The following DEFB125 variants were observed in gnomAD, a reference collection of about 807,000 sequenced individuals.
DEFB125 encodes the protein defensin beta 125.
DEFB125 carries 11 observed loss-of-function variants against 11.8 expected under a neutral mutation model. That is an observed-to-expected ratio of 0.94 (90% CI 0.59 to 1.55). The LOEUF is 1.55. Among genes scored for constraint, DEFB125 ranks in the 40% most tolerant of loss-of-function variants. DEFB125 has a pLI of 0.00. For missense variants in DEFB125, 198 were observed against 191.2 expected, an observed-to-expected ratio of 1.04 and a Z score of -0.21; for synonymous variants, 79 against 66.7, an observed-to-expected ratio of 1.18 and a Z score of -0.90.
Position 96,318 on chromosome 20 carries a change from A to C in DEFB125, c.372A>C (p.Pro124=). The stretch of plus-strand genomic sequence containing the variant: ...ATACTCCTGAGACTACTATGCCACC[A>C]TCTGAGGCCACTACTCCCGAGACTA... ...ETNTPETTMP[P]SEATTPETTM... The change falls in exon 2 of 2, where the codon CCA becomes CCC. Residue 124 remains proline, a synonymous_variant. Transcript: ENST00000382410. 1 of 1,613,532 alleles carries C rather than the reference A, an allele frequency of 6.2e-7. No homozygotes were observed. The highest frequency in any genetic ancestry group is 8.5e-7 in the Non-Finnish European group (1 of 1,179,544).
In DEFB125 at chr20:96,388, C is replaced by T; in HGVS notation, c.442C>T (p.Pro148Ser). Residue 148 changes from proline to serine, a missense_variant, in exon 2 of 2, where the codon CCT (proline) becomes TCT (serine). Coordinates refer to ENST00000382410, the MANE Select transcript of DEFB125 (RefSeq NM_153325.4). ...TGCTACTTCCGAGACTATGCCACCA[C>T]CTTCTCAGACAGCTCTTACTCATAA... is the stretch of plus-strand genomic sequence containing the variant. Reference protein sequence around the residue: ...ETATSETMPPPSQTALTHN With the variant: ...ETATSETMPPSSQTALTHN The T allele has an allele frequency of 1.9e-6, 3 of 1,613,550 alleles. No individual in the cohort carries two copies. The highest frequency in any genetic ancestry group is 2.2e-5 in the East Asian group (1 of 44,870).
At chr20:92,115 A>G (rs1317850294) in intron 1 of DEFB125, among the ~76,000 whole-genome samples, 1 of 152,152 alleles carries the variant, frequency 6.6e-6, no homozygotes, top group African/African-American at 2.4e-5. Flanking sequence ...ATTAAGTTCA[A>G]ATAAGGTTGT....
intron 1 of DEFB125, among the ~76,000 whole-genome samples, chr20:93,735 A>G (rs1040202119): frequency 2.0e-5 from 3 of 152,196 alleles, no homozygotes; most frequent in Non-Finnish European, 4.4e-5. Context: ...AATTGTCAGT[A>G]TCTCCAGTCT....
intron 1 of DEFB125, among the ~76,000 whole-genome samples, chr20:95,314 C>T (rs1179183438): frequency 6.6e-6 from 1 of 151,760 alleles, no homozygotes; most frequent in Non-Finnish European, 1.5e-5. Context: ...CTCTTTTTTT[C>T]TCATATTATT....
At chr20:88,776 T>C (rs962979855) in intron 1 of DEFB125, among the ~76,000 whole-genome samples, 2 of 151,952 alleles carry the variant, frequency 1.3e-5, no homozygotes, top group Non-Finnish European at 2.9e-5. Context: ...CCGCTACTGA[T>C]GAAAAATAGG....
intron 1 of DEFB125, among the ~76,000 whole-genome samples, chr20:91,169 G>T (rs1185247224): frequency 6.6e-6 from 1 of 152,020 alleles, no homozygotes; most frequent in African/African-American, 2.4e-5. Flanking sequence ...GTTTGCTATG[G>T]AGTTTTTTGA....
intron 1 of DEFB125, among the ~76,000 whole-genome samples, chr20:94,817 C>G (rs934295938): frequency 3.9e-5 from 6 of 152,174 alleles, no homozygotes; most frequent in African/African-American, 1.4e-4. Flanking sequence ...TCTATGAACT[C>G]AACTTTTTTA....
chr20:95,411 C>G (rs909600732), intron 1 of DEFB125, among the ~76,000 whole-genome samples: 1 of 152,094 alleles, frequency 6.6e-6, no homozygotes, highest in Non-Finnish European at 1.5e-5. Flanking sequence ...TCGAACCAAC[C>G]TTGCATTCCA....
chr20:89,618 A>G (rs961010269), intron 1 of DEFB125, among the ~76,000 whole-genome samples: 7 of 152,088 alleles, frequency 4.6e-5, no homozygotes, highest in Non-Finnish European at 8.8e-5. Context: ...AAGGATGGCT[A>G]GTATAACCTT....
At chr20:93,688 T>C (rs2054504689) in intron 1 of DEFB125, among the ~76,000 whole-genome samples, 1 of 152,220 alleles carries the variant, frequency 6.6e-6, no homozygotes, top group Admixed American at 6.5e-5. Flanking sequence ...TAACCTTTTA[T>C]GCATTTTCTG....
At chr20:89,862 G>T (rs917525211) in intron 1 of DEFB125, among the ~76,000 whole-genome samples, 1 of 151,850 alleles carries the variant, frequency 6.6e-6, no homozygotes, top group African/African-American at 2.4e-5. Flanking sequence ...TTTTATTTTG[G>T]AGAGGTAGTT....
Position 96,382 on chromosome 20 carries a change from C to T in DEFB125, c.436C>T (p.Pro146Ser). Reference sequence around the variant, plus strand: ...TGAGACTGCTACTTCCGAGACTATGCCACCACCTTCTCAGACAGCTCTTAC... The same window carrying T: ...TGAGACTGCTACTTCCGAGACTATGTCACCACCTTCTCAGACAGCTCTTAC... ...PSETATSETMPPPSQTALTHN is the reference protein window; with the variant it reads ...PSETATSETMSPPSQTALTHN The change falls in exon 2 of 2, where the codon CCA becomes TCA. Residue 146 changes from proline to serine, a missense_variant. Transcript: ENST00000382410. The T allele has an allele frequency of 6.2e-7, 1 of 1,613,694 alleles. No homozygotes were observed. Among genetic ancestry groups the T allele is most frequent in the Non-Finnish European group, 8.5e-7 (1 of 1,179,800 alleles).
chr20:95,441 C>T (rs541794526), intron 1 of DEFB125, among the ~76,000 whole-genome samples: 42 of 152,198 alleles, frequency 2.8e-4, no homozygotes, highest in Non-Finnish European at 6.0e-4. Flanking sequence ...GCTACTTGAT[C>T]GTAGTGGATA....
At chr20:92,778 C>A (rs759611382) in intron 1 of DEFB125, among the ~76,000 whole-genome samples, 1 of 152,050 alleles carries the variant, frequency 6.6e-6, no homozygotes, top group Non-Finnish European at 1.5e-5. Context: ...GGCTCTCCCC[C>A]TCAGTTTATC....
At chr20:95,950 A>G in intron 1 of DEFB125, 55 bp from the exon 2 acceptor site, 1 of 1,485,910 alleles carries the variant, frequency 6.7e-7, no homozygotes. Context: ...ATGAATGAAA[A>G]GTTGTTATGT....
In DEFB125 at chr20:96,005, G is replaced by T. The variant is rs1413691327; in HGVS notation, c.59G>T (p.Gly20Val). Reference sequence around the variant, plus strand: ...TTGACCTATATTTTATTCTCTACAGGTAGCTTTGAACCCCAAAAATGTTGG... The same window carrying T: ...TTGACCTATATTTTATTCTCTACAGTTAGCTTTGAACCCCAAAAATGTTGG... Reference protein sequence around the residue: ...ICGLLTRVTKGSFEPQKCWKN... With the variant: ...ICGLLTRVTKVSFEPQKCWKN... The change falls in exon 2 of 2, where the codon GGT becomes GTT. Residue 20 changes from glycine to valine, a missense_variant and splice_region_variant. Physicochemically the swap from Gly to Val is moderately radical, Grantham distance 109. Transcript: ENST00000382410. 1 of 1,593,944 alleles carries T rather than the reference G, an allele frequency of 6.3e-7. No individual in the cohort carries two copies. The highest frequency in any genetic ancestry group is 1.3e-5 in the African/African-American group (1 of 74,290).
intron 1 of DEFB125, among the ~76,000 whole-genome samples, chr20:89,954 G>T (rs941332135): frequency 2.0e-5 from 3 of 152,052 alleles, no homozygotes; most frequent in Non-Finnish European, 4.4e-5. Context: ...TAGTCTCTCT[G>T]GGCTTTATAT....
chr20:95,532 C>T (rs1474148840), intron 1 of DEFB125, among the ~76,000 whole-genome samples: 1 of 152,088 alleles, frequency 6.6e-6, no homozygotes, highest in African/African-American at 2.4e-5. Flanking sequence ...AGGATACTGG[C>T]CTGAAATTTT....
chr20:90,163 C>T (rs991659289), intron 1 of DEFB125, among the ~76,000 whole-genome samples: 2 of 152,012 alleles, frequency 1.3e-5, no homozygotes, highest in Non-Finnish European at 2.9e-5. Flanking sequence ...CATACAATTG[C>T]TAGTCATATT....
Sources: allele counts gnomAD v4.1 joint callset (sites outside exome capture counted in the v4.1 genomes callset), GRCh38; gene constraint gnomAD v4.1.1; transcripts MANE v1.5; gene names NCBI Gene and HGNC (gene_info 2026-07-23, HGNC 2026-07-21).